SBF2: variants seen among roughly 807,000 people sequenced by gnomAD.
SBF2 encodes the protein SET binding factor 2, also known as myotubularin-related protein 13.
Under a neutral mutation model 225.2 loss-of-function variants are expected in SBF2, and 112 were observed. That is an observed-to-expected ratio of 0.50 (90% CI 0.43 to 0.58). The LOEUF (loss-of-function observed/expected upper bound fraction) is 0.58. SBF2 is among the 20% of genes least tolerant of loss of function. The probability of loss-of-function intolerance (pLI) is 0.00; values close to 1 mark genes in which losing one functional copy is unlikely to be tolerated. For synonymous variants in SBF2, 763 were observed against 773.3 expected (o/e 0.99, Z 0.22); for missense variants, 1,996 against 2,206.2 (o/e 0.90, Z 1.91).
intron 6 of SBF2, among the ~76,000 whole-genome samples, chr11:10,011,848 G>A (rs750211990): frequency 1.4e-4 from 22 of 152,034 alleles, no homozygotes; most frequent in Non-Finnish European, 3.1e-4. Flanking sequence ...CTGTTAACTT[G>A]GGCTTCATTG....
At chr11:10,290,551 G>A (rs1201830218) in intron 1 of SBF2, among the ~76,000 whole-genome samples, 1 of 152,106 alleles carries the variant, frequency 6.6e-6, no homozygotes, top group African/African-American at 2.4e-5. Context: ...GGGGGATGGA[G>A]GAGATGGAAT....
In SBF2 at chr11:10,173,752, A is replaced by AT. The variant is rs1956326401; in HGVS notation, c.141+20149_141+20150insA. Among the ~76,000 whole-genome samples, 5 of 149,814 alleles carry AT rather than the reference A, an allele frequency of 3.3e-5. No individual in the cohort carries two copies. In the South Asian group the frequency reaches 1.0e-3, roughly 31 times the overall value. On this transcript the variant is annotated intron_variant, in intron 2 of 39. Transcript: ENST00000256190. ...GACAGCAGGAACCTCTGCAGACTTC[A>AT]ATGTCCCTGTCTGACAGCTTTGAAG...
intron 1 of SBF2, among the ~76,000 whole-genome samples, chr11:10,208,363 C>T (rs892628308): frequency 6.6e-6 from 1 of 152,070 alleles, no homozygotes; most frequent in Non-Finnish European, 1.5e-5. Context: ...TAAACTAAGC[C>T]TCAATAACTT....
rs560972626 is a variant in SBF2, at chr11:10,028,629, C to T, written c.514-72G>A. On this transcript the variant is annotated intron_variant, in intron 5 of 39. Transcript: ENST00000256190. ...ATTTTTTAAAAAATAAAAATACCTT[C>T]GATGTTCATTTTTAGAGCAAACGAC... The T allele has an allele frequency of 2.9e-4, 294 of 996,834 alleles. 9 individuals carry two copies. In the South Asian group the frequency reaches 3.6e-3, roughly 12 times the overall value. The allele number at this position is 996,834 out of a possible 1,614,324, so 61.7% of individuals were successfully genotyped here.
In SBF2 at chr11:10,052,158, G is replaced by GA. The variant is rs35584969; in HGVS notation, c.142-9178dup. On this transcript the variant is annotated intron_variant, in intron 2 of 39. Coordinates refer to ENST00000256190, the MANE Select transcript of SBF2 (RefSeq NM_030962.4). ...CCCCAGTGTCTTTATAGGCAAACAG[G>GA]AAAAAAAAAAAGCTATCACAGGTGC... 5.3e-4 allele frequency among the ~76,000 whole-genome samples: 78 copies of GA among 147,556 alleles called. No homozygotes were observed. The Middle Eastern group carries it at 0.033, about 62-fold the overall frequency.
intron 14 of SBF2, 147 bp from the exon 15 acceptor site, chr11:9,964,029 T>C (rs751865773): frequency 8.0e-6 from 5 of 625,822 alleles, no homozygotes; most frequent in East Asian, 2.8e-5. Flanking sequence ...GGTGGGATGA[T>C]CCCTTGAGCC....
At position 10,294,195 on chromosome 11, in the gene SBF2, A is replaced by G. The variant is rs1392811223; in HGVS notation, c.-126T>C. 1 of 697,276 alleles carries G rather than the reference A, an allele frequency of 1.4e-6. No homozygotes were observed. Among genetic ancestry groups the G allele is most frequent in the African/African-American group, 1.9e-5 (1 of 53,212 alleles). The allele number at this position is 697,276 out of a possible 1,614,324, so 43.2% of individuals were successfully genotyped here. On this transcript the variant is annotated 5_prime_UTR_variant, in exon 1 of 40. An upstream start codon of the reference 5' UTR is lost. Transcript: ENST00000256190. ...TAGCGGCAGCGGCAGCGCTTCAGCCATGTTTGACAACCGAGGCGCGCTCTG... is the reference window on the plus strand; with the variant it reads ...TAGCGGCAGCGGCAGCGCTTCAGCCGTGTTTGACAACCGAGGCGCGCTCTG...
chr11:9,886,511 A>G (rs888210901), intron 17 of SBF2, among the ~76,000 whole-genome samples: 1 of 151,316 alleles, frequency 6.6e-6, no homozygotes, highest in Non-Finnish European at 1.5e-5. Flanking sequence ...AGATCCACAT[A>G]GAAGTCCAAG....
chr11:10,265,861 GTGTGTGTGTGTGTGCGCGCGCGCA>G (rs956482740), intron 1 of SBF2, among the ~76,000 whole-genome samples: 9 of 150,568 alleles, frequency 6.0e-5, no homozygotes, highest in African/African-American at 2.2e-4. Flanking sequence ...GGCTAATTGT[GTGTGTGTGTGTGTGCGCGCGCGCA>G]TGTGTGTGTG....
Position 10,087,508 on chromosome 11 carries a change from T to C in SBF2, c.142-44527A>G, listed in dbSNP as rs561642524. Among the ~76,000 whole-genome samples, 54 of 152,294 alleles carry C rather than the reference T, an allele frequency of 3.5e-4. No homozygotes were observed. In the South Asian group the frequency reaches 7.7e-3, roughly 22 times the overall value. On this transcript the variant is annotated intron_variant, in intron 2 of 39. Coordinates refer to ENST00000256190, the MANE Select transcript of SBF2 (RefSeq NM_030962.4). ...TAAATATTCCAAATGACTGAGATAATAGAAGTTAAATTTAGTTAGCTAACT... is the reference window on the plus strand; with the variant it reads ...TAAATATTCCAAATGACTGAGATAACAGAAGTTAAATTTAGTTAGCTAACT...
intron 1 of SBF2, among the ~76,000 whole-genome samples, chr11:10,269,932 C>T (rs1280511355): frequency 6.6e-6 from 1 of 152,100 alleles, no homozygotes; most frequent in African/African-American, 2.4e-5. Flanking sequence ...TAGCTCATCC[C>T]ACACTTCTAA....
At chr11:9,935,473 A>C (rs1416653142) in intron 16 of SBF2, among the ~76,000 whole-genome samples, 1 of 152,198 alleles carries the variant, frequency 6.6e-6, no homozygotes, top group African/African-American at 2.4e-5. Context: ...TTCATATGGA[A>C]CCAAAAAAGG....
chr11:9,968,953 T>C (rs1202135988), intron 13 of SBF2, among the ~76,000 whole-genome samples: 2 of 152,212 alleles, frequency 1.3e-5, no homozygotes, highest in African/African-American at 4.8e-5. Context: ...CAAGTTTTTT[T>C]CTTTAAACAA....
At chr11:10,001,101 A>G in intron 7 of SBF2, 79 bp from the exon 8 acceptor site, 1 of 766,328 alleles carries the variant, frequency 1.3e-6, no homozygotes, top group Non-Finnish European at 2.3e-6. Flanking sequence ...TGCTGTGTTA[A>G]GTTTTATATT....
chr11:10,118,338 G>A (rs1288089294), intron 2 of SBF2, among the ~76,000 whole-genome samples: 2 of 151,984 alleles, frequency 1.3e-5, no homozygotes, highest in Non-Finnish European at 2.9e-5. Context: ...GTACAACAAA[G>A]AAAAAACGCA....
intron 2 of SBF2, among the ~76,000 whole-genome samples, chr11:10,046,236 C>G (rs1949857309): frequency 6.6e-6 from 1 of 152,148 alleles, no homozygotes; most frequent in African/African-American, 2.4e-5. Context: ...TATCTGCAAC[C>G]TCTTTCAGAA....
chr11:10,162,747 C>A (rs975675795), intron 2 of SBF2, among the ~76,000 whole-genome samples: 2 of 152,024 alleles, frequency 1.3e-5, no homozygotes, highest in Non-Finnish European at 2.9e-5. Flanking sequence ...AATGGATATG[C>A]ATAATTTATT....
intron 17 of SBF2, among the ~76,000 whole-genome samples, chr11:9,874,470 G>C (rs1451855529): frequency 1.3e-5 from 2 of 152,044 alleles, no homozygotes; most frequent in Non-Finnish European, 2.9e-5. Flanking sequence ...TATCTTTTAG[G>C]GGCCCAATTT....
rs1012628089 is a variant in SBF2 at position 10,253,423 on chromosome 11, G to A, written c.55+40592C>T. ...ATAAAATCAAAAGTAAACCCTGTCT[G>A]CACATTAGTACTCTTTAAGACAGTG... On this transcript the variant is annotated intron_variant, in intron 1 of 39. Transcript: ENST00000256190. Among the ~76,000 whole-genome samples the A allele has an allele frequency of 2.0e-5, 3 of 152,210 alleles. No homozygotes were observed. In the Middle Eastern group the frequency reaches 0.01, roughly 518 times the overall value.
Sources: allele counts gnomAD v4.1 joint callset (sites outside exome capture counted in the v4.1 genomes callset), GRCh38; gene constraint gnomAD v4.1.1; transcripts MANE v1.5; gene names NCBI Gene and HGNC (gene_info 2026-07-23, HGNC 2026-07-21).